Variants in TNFRSF10C observed in about 807,000 individuals in gnomAD.
TNFRSF10C encodes tumor necrosis factor receptor superfamily member 10C.
A neutral mutation model predicts 16.7 loss-of-function variants in TNFRSF10C; 17 were observed. The ratio of observed to expected loss-of-function variants is 1.02; its 90% CI spans 0.70 to 1.53. The LOEUF is 1.53. Among genes scored for constraint, TNFRSF10C ranks in the 40% most tolerant of loss-of-function variants. TNFRSF10C has a pLI of 0.00. For missense variants in TNFRSF10C, 237 were observed against 329.7 expected (o/e 0.72, Z 2.18); for synonymous variants, 73 against 119.7 (o/e 0.61, Z 2.55).
At chr8:23,108,083 A>C (rs962217840) in intron 1 of TNFRSF10C, among the ~76,000 whole-genome samples, 4 of 152,134 alleles carry the variant, frequency 2.6e-5, no homozygotes, top group African/African-American at 9.7e-5. Context: ...AACTGGTTTG[A>C]GGGGCATAAG....
intron 1 of TNFRSF10C, 91 bp downstream of exon 1, chr8:23,103,272 C>T (rs1813703188): frequency 1.9e-6 from 3 of 1,548,086 alleles, no homozygotes; most frequent in Middle Eastern, 1.7e-4. Context: ...GATGCCTGGC[C>T]CTGGTCACCT....
intron 1 of TNFRSF10C, among the ~76,000 whole-genome samples, chr8:23,106,709 G>A (rs1011903032): frequency 1.3e-5 from 2 of 152,184 alleles, no homozygotes; most frequent in African/African-American, 4.8e-5. Flanking sequence ...ATTGTCAGCT[G>A]GGTGCGGTGG....
chr8:23,104,630 C>CA (rs1488904229), intron 1 of TNFRSF10C, among the ~76,000 whole-genome samples: 6 of 152,162 alleles, frequency 3.9e-5, no homozygotes, highest in Non-Finnish European at 8.8e-5. Flanking sequence ...AATTTTCCTC[C>CA]AAAAAACCAC....
chr8:23,110,065 T>A, intron 1 of TNFRSF10C, among the ~76,000 whole-genome samples: 1 of 39,892 alleles, frequency 2.5e-5, no homozygotes, highest in African/African-American at 1.9e-4. Flanking sequence ...GGAGACCCTG[T>A]CTCCAAAAAA....
In TNFRSF10C at chr8:23,115,581, T is replaced by A; in HGVS notation, c.354T>A (p.Asn118Lys). ...AGTGTAAAGAAGGCACCTTCCGGAA[T>A]GAAAACTCCCCAGAGATGTGCCGGA... ...VCQCKEGTFR[N>K]ENSPEMCRKC... Residue 118 changes from asparagine to lysine, a missense_variant, in exon 4 of 5, where the codon AAT becomes AAA. Around this residue, in one of 2 missense-constraint regions of TNFRSF10C, gnomAD observed 212 missense variants for 196.8 expected, o/e 1.08. Coordinates refer to ENST00000356864, the MANE Select transcript of TNFRSF10C (RefSeq NM_003841.5). 1 of 1,613,724 alleles carries A rather than the reference T, an allele frequency of 6.2e-7. No homozygotes were observed. The highest frequency in any genetic ancestry group is 8.5e-7 in the Non-Finnish European group (1 of 1,179,830).
At chr8:23,114,593 C>T in intron 2 of TNFRSF10C, 64 bp from the exon 3 acceptor site, 2 of 1,382,056 alleles carry the variant, frequency 1.4e-6, no homozygotes, top group Admixed American at 1.7e-5. Context: ...GAAGTTTCCC[C>T]ACCACTGTCA....
At chr8:23,111,517 A>AT (rs5890089) in intron 1 of TNFRSF10C, among the ~76,000 whole-genome samples, 4 of 147,926 alleles carry the variant, frequency 2.7e-5, no homozygotes, top group African/African-American at 7.4e-5. Flanking sequence ...GCTTGCCTGT[A>AT]TTTTTTTTTT....
chr8:23,106,134 G>A (rs966361448), intron 1 of TNFRSF10C, among the ~76,000 whole-genome samples: 5 of 152,188 alleles, frequency 3.3e-5, no homozygotes, highest in Admixed American at 2.0e-4. Context: ...CCTGGAGTCC[G>A]CCGGAGTTTG....
rs1045582896 is a variant in TNFRSF10C, at chr8:23,114,752, T to G, written c.262T>G (p.Cys88Gly). ...CAACAATGAACCTTCTTGCTTCCCA[T>G]GTACAGTTTGTAAATCAGGTACAGA... ...ASNNEPSCFP[C>G]TVCKSDQKHK... Residue 88 changes from cysteine to glycine, a missense_variant, in exon 3 of 5, where the codon TGT becomes GGT. By Grantham distance (159) the Cys-to-Gly change is radical. This residue lies in a region of TNFRSF10C where 212 missense variants were observed against 196.8 expected (regional missense o/e 1.08). Coordinates refer to ENST00000356864, the MANE Select transcript of TNFRSF10C (RefSeq NM_003841.5). 6.2e-7 allele frequency: 1 copy of G among 1,613,794 alleles called. No individual in the cohort carries two copies. The highest frequency in any genetic ancestry group is 8.5e-7 in the Non-Finnish European group (1 of 1,179,796).
rs1291493331 is a variant in TNFRSF10C at position 23,103,429 on chromosome 8, C to T, written c.60+248C>T. 4 of 653,146 alleles carry T rather than the reference C, an allele frequency of 6.1e-6. No individual in the cohort carries two copies. In the African/African-American group the frequency reaches 7.3e-5, roughly 12 times the overall value. 40.5% of individuals were successfully genotyped at this position (653,146 alleles called of 1,614,324 possible). A position where few individuals can be genotyped will look rare whatever the true frequency, so the allele number is the denominator to read the frequency against. On this transcript the variant is annotated intron_variant, in intron 1 of 4. Transcript: ENST00000356864. ...CCGAGCCCGCGAAGGGAGGGAAGTT[C>T]CAGAATCGAGAGAGGGAGGGAGTCA... is the stretch of plus-strand genomic sequence containing the variant.
intron 4 of TNFRSF10C, among the ~76,000 whole-genome samples, 153 bp downstream of exon 4, chr8:23,115,769 T>C: frequency 6.6e-6 from 1 of 152,176 alleles, no homozygotes; most frequent in South Asian, 2.1e-4. Flanking sequence ...CAGTGGCCGC[T>C]CCTGGTCCAT....
At chr8:23,111,365 T>C (rs1813874590) in intron 1 of TNFRSF10C, among the ~76,000 whole-genome samples, 1 of 152,052 alleles carries the variant, frequency 6.6e-6, no homozygotes, top group Non-Finnish European at 1.5e-5. Flanking sequence ...TACAGGTGTG[T>C]GCCACCACAC....
chr8:23,115,189 A>G (rs943651057), intron 3 of TNFRSF10C, among the ~76,000 whole-genome samples: 2 of 151,640 alleles, frequency 1.3e-5, no homozygotes, highest in South Asian at 2.1e-4. Flanking sequence ...AAGTCCCCCA[A>G]GGCCTCCGTC....
chr8:23,116,624 T>C lies in TNFRSF10C; in HGVS notation c.390-17T>C. The C allele has an allele frequency of 6.2e-7, 1 of 1,608,050 alleles. No homozygotes were observed. The highest frequency in any genetic ancestry group is 8.5e-7 in the Non-Finnish European group (1 of 1,176,152). On this transcript the variant is annotated splice_polypyrimidine_tract_variant and intron_variant, in intron 4 of 4. Transcript: ENST00000356864. ...TTTCCCTCAGGAGTCCTCACCTCCC[T>C]CTCTGTGTGTACCCAGGTGCCCTAG... is the stretch of plus-strand genomic sequence containing the variant.
chr8:23,103,412 G>C, intron 1 of TNFRSF10C: 1 of 698,880 alleles, frequency 1.4e-6, no homozygotes, highest in Non-Finnish European at 2.4e-6. Context: ...CCCCGAGCCC[G>C]CGAAGGGAGG....
In TNFRSF10C at chr8:23,116,577, C is replaced by T. The variant is rs1813986718; in HGVS notation, c.390-64C>T. ...GACATTGGAGAGGGAGGGTGGCTCCCCTTTTATCCCACCTGGCTAGCTTTC... is the reference window on the plus strand; with the variant it reads ...GACATTGGAGAGGGAGGGTGGCTCCTCTTTTATCCCACCTGGCTAGCTTTC... On this transcript the variant is annotated intron_variant, in intron 4 of 4. Coordinates refer to ENST00000356864, the MANE Select transcript of TNFRSF10C (RefSeq NM_003841.5). The T allele has an allele frequency of 2.6e-6, 4 of 1,560,926 alleles. No individual in the cohort carries two copies. The African/African-American group carries it at 4.1e-5, about 16-fold the overall frequency.
At position 23,117,157 on chromosome 8, in the gene TNFRSF10C, C is replaced by T; in HGVS notation, c.*126C>T. 7.3e-7 allele frequency: 1 copy of T among 1,379,114 alleles called. No individual in the cohort carries two copies. The highest frequency in any genetic ancestry group is 9.8e-7 in the Non-Finnish European group (1 of 1,020,648). 85.4% of individuals were successfully genotyped at this position (1,379,114 alleles called of 1,614,324 possible). ...TGCTGTGTTCCCACAGACAGAAACG[C>T]CTGCCCCTGCCCCAAGTCCTGGTGT... On this transcript the variant is annotated 3_prime_UTR_variant, in exon 5 of 5. Coordinates refer to ENST00000356864, the MANE Select transcript of TNFRSF10C (RefSeq NM_003841.5).
chr8:23,114,582 A>G, intron 2 of TNFRSF10C, 75 bp from the exon 3 acceptor site: 1 of 1,245,090 alleles, frequency 8.0e-7, no homozygotes, highest in South Asian at 1.2e-5. Flanking sequence ...GGGCCAAAAA[A>G]GAAGTTTCCC....
At chr8:23,106,888 G>A (rs1051041627) in intron 1 of TNFRSF10C, among the ~76,000 whole-genome samples, 4 of 151,566 alleles carry the variant, frequency 2.6e-5, no homozygotes, top group Non-Finnish European at 5.9e-5. Flanking sequence ...TGGAGAGGCT[G>A]AGGCAGGAGA....
Sources: allele counts gnomAD v4.1 joint callset (sites outside exome capture counted in the v4.1 genomes callset), GRCh38; gene constraint gnomAD v4.1.1; regional missense constraint gnomAD v4.1.1; transcripts MANE v1.5; gene names NCBI Gene and HGNC (gene_info 2026-07-23, HGNC 2026-07-21).